The following CSMD1 variants were observed in gnomAD, a reference collection of about 807,000 sequenced individuals.
The protein encoded by CSMD1 is CUB and sushi domain-containing protein 1.
CSMD1 carries 213 observed loss-of-function variants against 417.5 expected under a neutral mutation model. The ratio of observed to expected loss-of-function variants is 0.51; its 90% CI spans 0.46 to 0.57. The LOEUF is 0.57. Among genes scored for constraint, CSMD1 ranks in the 20% least tolerant of loss-of-function variants. The pLI, the probability that CSMD1 is intolerant of heterozygous loss-of-function variation, is 0.00. For missense variants in CSMD1, 6,923 were observed against 4,529.7 expected (o/e 1.53, Z -15.17); for synonymous variants, 2,862 against 1,736.8 (o/e 1.65, Z -16.11).
At position 3,408,012 on chromosome 8, in the gene CSMD1, G is replaced by C. The variant is rs368821897; in HGVS notation, c.1958C>G (p.Thr653Ser). 3.0e-5 allele frequency: 49 copies of C among 1,613,812 alleles called. No individual in the cohort carries two copies. Among genetic ancestry groups the C allele is most frequent in the Middle Eastern group, 1.6e-4 (1 of 6,084 alleles). Residue 653 changes from threonine (T) to serine (S), a missense_variant, in exon 14 of 70, where the codon ACT becomes AGT. Thr to Ser is a moderately conservative substitution (Grantham distance 58). Coordinates refer to ENST00000635120, the MANE Select transcript of CSMD1 (RefSeq NM_033225.6). ...DGISDITVLG[T>S]FSGNEVPSQL... ...GGAAGGCACTTCATTGCCAGAAAAA[G>C]TACCCAGGACAGTTATGTCAGAAAT... is the stretch of plus-strand genomic sequence containing the variant.
At chr8:4,195,817 A>G (rs1563255467) in intron 3 of CSMD1, among the ~76,000 whole-genome samples, 2 of 152,144 alleles carry the variant, frequency 1.3e-5, no homozygotes, top group African/African-American at 4.8e-5. Flanking sequence ...CCTGCCCTCA[A>G]GCCTGTAGAT....
At chr8:4,613,088 G>T (rs1801274732) in intron 2 of CSMD1, among the ~76,000 whole-genome samples, 1 of 152,096 alleles carries the variant, frequency 6.6e-6, no homozygotes, top group Admixed American at 6.5e-5. Context: ...TCCTAGGCTT[G>T]TCTTATAGCT....
intron 20 of CSMD1, among the ~76,000 whole-genome samples, chr8:3,360,660 G>A (rs1307984890): frequency 6.6e-6 from 1 of 152,192 alleles, no homozygotes; most frequent in Non-Finnish European, 1.5e-5. Flanking sequence ...GGACAATGAA[G>A]ATCACTCTTA....
At position 3,196,506 on chromosome 8, in the gene CSMD1, G is replaced by A. The variant is rs572549319; in HGVS notation, c.5194+3208C>T. ...AGAACCTCTCTTGGGGTCTGGATCC[G>A]CACCCCTTTCTGGTAACAAAACCAT... On this transcript the variant is annotated intron_variant, in intron 33 of 69. Coordinates refer to ENST00000635120, the MANE Select transcript of CSMD1 (RefSeq NM_033225.6). 4.6e-5 allele frequency among the ~76,000 whole-genome samples: 7 copies of A among 152,236 alleles called. No homozygotes were observed. In the South Asian group the frequency reaches 1.0e-3, roughly 23 times the overall value.
intron 2 of CSMD1, among the ~76,000 whole-genome samples, chr8:4,509,704 G>A (rs181763656): frequency 1.5e-3 from 229 of 152,230 alleles, no homozygotes; most frequent in African/African-American, 5.4e-3. Flanking sequence ...AGACACTTTT[G>A]ACACTTATTA....
chr8:3,478,863 C>T (rs1287105197), intron 11 of CSMD1, among the ~76,000 whole-genome samples: 1 of 152,186 alleles, frequency 6.6e-6, no homozygotes, highest in African/African-American at 2.4e-5. Context: ...TAAATGATCT[C>T]ACCTGGGGAG....
chr8:4,199,936 G>C (rs183629195), intron 3 of CSMD1, among the ~76,000 whole-genome samples: 1 of 152,112 alleles, frequency 6.6e-6, no homozygotes, highest in Non-Finnish European at 1.5e-5. Flanking sequence ...GTTACAAGGA[G>C]TTTCAACCAA....
chr8:4,761,907 CTATCAAT>C (rs752924234), intron 1 of CSMD1, among the ~76,000 whole-genome samples: 13,592 of 121,196 alleles, frequency 0.11, 855 homozygotes, highest in Admixed American at 0.17. Context: ...ATCTATCTAT[CTATCAAT>C]CTATCTATCT....
At chr8:4,651,414 G>T (rs1237131961) in intron 1 of CSMD1, among the ~76,000 whole-genome samples, 1 of 152,120 alleles carries the variant, frequency 6.6e-6, no homozygotes, top group Non-Finnish European at 1.5e-5. Flanking sequence ...CGGGTCTTCA[G>T]CTGGCATCAT....
At position 3,257,433 on chromosome 8, in the gene CSMD1, G is replaced by C. The variant is rs138760669; in HGVS notation, c.4153+26711C>G. ...TTCCTTGTGGAGGTTAGATTCTCAAGGGAGGAGATAACAATACAAAATACA... is the reference window on the plus strand; with the variant it reads ...TTCCTTGTGGAGGTTAGATTCTCAACGGAGGAGATAACAATACAAAATACA... On this transcript the variant is annotated intron_variant, in intron 26 of 69. Transcript: ENST00000635120. Among the ~76,000 whole-genome samples, 550 of 152,316 alleles carry C rather than the reference G, an allele frequency of 3.6e-3. 9 individuals carry two copies. The highest frequency in any genetic ancestry group is 0.012 in the African/African-American group (505 of 41,564).
chr8:3,457,248 G>A (rs61381807), intron 12 of CSMD1, among the ~76,000 whole-genome samples: 21 of 151,430 alleles, frequency 1.4e-4, no homozygotes, highest in Admixed American at 2.0e-4. Flanking sequence ...TCCTGGACTC[G>A]TGAACCTGTT....
In CSMD1 at chr8:4,751,390, C is replaced by CG. The variant is rs1359122947; in HGVS notation, c.86-113833_86-113832insC. ...TGGACGACAGAGCAAGACTCTGTCT[C>CG]AGGGGGGGTGGCGGGGCAGGAAAAG... is the stretch of plus-strand genomic sequence containing the variant. On this transcript the variant is annotated intron_variant, in intron 1 of 69. Coordinates refer to ENST00000635120, the MANE Select transcript of CSMD1 (RefSeq NM_033225.6). Among the ~76,000 whole-genome samples, 508 of 142,452 alleles carry CG rather than the reference C, an allele frequency of 3.6e-3. 2 individuals carry two copies. Among genetic ancestry groups the CG allele is most frequent in the East Asian group, 6.8e-3 (34 of 5,036 alleles). 93.5% of individuals were successfully genotyped at this position (142,452 alleles called of 152,430 possible). A position where few individuals can be genotyped will look rare whatever the true frequency, so the allele number is the denominator to read the frequency against.
At chr8:4,816,866 G>C (rs1347602693) in intron 1 of CSMD1, among the ~76,000 whole-genome samples, 3 of 152,090 alleles carry the variant, frequency 2.0e-5, no homozygotes, top group African/African-American at 4.8e-5. Context: ...AGTCATATGG[G>C]GGTCTCAGAA....
intron 2 of CSMD1, among the ~76,000 whole-genome samples, chr8:4,448,883 G>A (rs1798969447): frequency 6.6e-6 from 1 of 152,132 alleles, no homozygotes; most frequent in Admixed American, 6.5e-5. Context: ...TATTCACCAA[G>A]TAAACACACA....
intron 2 of CSMD1, among the ~76,000 whole-genome samples, chr8:4,617,427 T>C (rs55966096): frequency 0.23 from 34,414 of 151,934 alleles, 4,317 homozygotes; most frequent in Non-Finnish European, 0.29. Flanking sequence ...ATATGCAAGG[T>C]AGTAGGACTG....
At chr8:4,766,879 C>T (rs1314579570) in intron 1 of CSMD1, among the ~76,000 whole-genome samples, 1 of 152,090 alleles carries the variant, frequency 6.6e-6, no homozygotes, top group Non-Finnish European at 1.5e-5. Context: ...TACATTAAAT[C>T]TTATGTTGAT....
At chr8:3,330,277 C>A (rs556946011) in intron 23 of CSMD1, among the ~76,000 whole-genome samples, 2 of 152,214 alleles carry the variant, frequency 1.3e-5, no homozygotes, top group South Asian at 4.1e-4. Flanking sequence ...ACTGTTCTAC[C>A]ATAAAGACAT....
chr8:3,603,242 G>C (rs1325190315), intron 8 of CSMD1, among the ~76,000 whole-genome samples: 1 of 152,172 alleles, frequency 6.6e-6, no homozygotes, highest in Non-Finnish European at 1.5e-5. Flanking sequence ...CTCTGCTTCA[G>C]TTTCCTAGTA....
intron 42 of CSMD1, among the ~76,000 whole-genome samples, chr8:3,116,219 G>A (rs1195367443): frequency 6.6e-6 from 1 of 152,018 alleles, no homozygotes; most frequent in Non-Finnish European, 1.5e-5. Context: ...CTTTATATAG[G>A]TCCTCTAATT....
Sources: allele counts gnomAD v4.1 joint callset (sites outside exome capture counted in the v4.1 genomes callset), GRCh38; gene constraint gnomAD v4.1.1; transcripts MANE v1.5; gene names NCBI Gene and HGNC (gene_info 2026-07-23, HGNC 2026-07-21).